Variants in TSPAN8 observed in about 807,000 individuals in gnomAD.
TSPAN8 encodes the protein tetraspanin 8.
A neutral mutation model predicts 32.8 loss-of-function variants in TSPAN8; 21 were observed. That is an observed-to-expected ratio of 0.64 (90% confidence interval 0.45 to 0.92). The LOEUF is 0.92. Among genes scored for constraint, TSPAN8 ranks in the 40% least tolerant of loss-of-function variants. TSPAN8 has a pLI of 0.00. For missense variants in TSPAN8, 269 were observed against 281.9 expected (o/e 0.95, Z 0.33); for synonymous variants, 95 against 94.6 (o/e 1.00, Z -0.03).
intron 2 of TSPAN8, 25 bp from the exon 3 acceptor site, chr12:71,144,238 A>C (rs771242127): frequency 6.2e-7 from 1 of 1,602,458 alleles, no homozygotes; most frequent in Non-Finnish European, 8.5e-7. Context: ...AAACAAACAA[A>C]AAGAATACAA....
chr12:71,146,964 T>G (rs1872096602), intron 2 of TSPAN8, among the ~76,000 whole-genome samples: 1 of 152,146 alleles, frequency 6.6e-6, no homozygotes, highest in African/African-American at 2.4e-5. Context: ...AGGAGATAAA[T>G]CTTTCTTTCT....
At chr12:71,148,532 A>G (rs1222857086) in intron 2 of TSPAN8, among the ~76,000 whole-genome samples, 2 of 152,204 alleles carry the variant, frequency 1.3e-5, no homozygotes, top group Non-Finnish European at 2.9e-5. Flanking sequence ...GGCACTTGCC[A>G]TCTGCATACA....
chr12:71,145,505 C>T (rs1872049614), intron 2 of TSPAN8, among the ~76,000 whole-genome samples: 1 of 152,170 alleles, frequency 6.6e-6, no homozygotes, highest in South Asian at 2.1e-4. Context: ...CACATAGACA[C>T]ACACACACCA....
At chr12:71,154,405 A>C (rs1311640098) in intron 2 of TSPAN8, among the ~76,000 whole-genome samples, 1 of 151,346 alleles carries the variant, frequency 6.6e-6, no homozygotes, top group African/African-American at 2.4e-5. Context: ...GGCATGGTAC[A>C]GACCTCTACA....
intron 6 of TSPAN8, among the ~76,000 whole-genome samples, chr12:71,135,482 A>T (rs1871666274): frequency 7.1e-6 from 1 of 140,768 alleles, no homozygotes; most frequent in Non-Finnish European, 1.5e-5. Context: ...GAAGAAGGGG[A>T]GGCGGAGGAG....
chr12:71,155,060 A>G (rs1293632272), intron 2 of TSPAN8, among the ~76,000 whole-genome samples: 1 of 152,220 alleles, frequency 6.6e-6, no homozygotes, highest in Non-Finnish European at 1.5e-5. Context: ...AACTTAACTC[A>G]TCACTTGCAA....
intron 2 of TSPAN8, among the ~76,000 whole-genome samples, chr12:71,146,297 C>T (rs1370446686): frequency 6.6e-6 from 1 of 152,128 alleles, no homozygotes; most frequent in African/African-American, 2.4e-5. Context: ...TAGAGTATAT[C>T]ATTCTCATTT....
At chr12:71,129,243 TC>T (rs1871439653) in intron 8 of TSPAN8, 87 bp downstream of exon 8, 1 of 1,334,692 alleles carries the variant, frequency 7.5e-7, no homozygotes, top group Non-Finnish European at 1.0e-6. Flanking sequence ...TTTTTTTTTT[TC>T]TGTTTGTTTG....
In TSPAN8 at chr12:71,153,230, A is replaced by T. The variant is rs11178658; in HGVS notation, c.60+4389T>A. Reference sequence around the variant, plus strand: ...AACTATCTGAGAGGAGCATTAAAAAATTGGGGCATTTCATCTATTTTTGAA... The same window carrying T: ...AACTATCTGAGAGGAGCATTAAAAATTTGGGGCATTTCATCTATTTTTGAA... On this transcript the variant is annotated intron_variant, in intron 2 of 8. Coordinates refer to ENST00000247829, the MANE Select transcript of TSPAN8 (RefSeq NM_004616.3). 2.8e-3 allele frequency among the ~76,000 whole-genome samples: 423 copies of T among 152,358 alleles called. 8 individuals are homozygous for T. The East Asian group carries it at 0.05, about 18-fold the overall frequency.
intron 7 of TSPAN8, among the ~76,000 whole-genome samples, chr12:71,130,539 T>A (rs761293071): frequency 6.6e-6 from 1 of 152,210 alleles, no homozygotes; most frequent in Non-Finnish European, 1.5e-5. Flanking sequence ...TGTACTGCCC[T>A]GAAATATATT....
At chr12:71,137,596 T>C (rs1871743258) in intron 6 of TSPAN8, among the ~76,000 whole-genome samples, 1 of 73,852 alleles carries the variant, frequency 1.4e-5, no homozygotes, top group South Asian at 3.2e-4. Context: ...CAAGACTCTG[T>C]CCCCCCCCAA....
rs1871560121 is a variant in TSPAN8 at position 71,132,797 on chromosome 12, C to T, written c.472G>A (p.Ala158Thr). The T allele has an allele frequency of 1.2e-6, 2 of 1,613,916 alleles. No individual in the cohort carries two copies. The highest frequency in any genetic ancestry group is 1.7e-6 in the Non-Finnish European group (2 of 1,179,954). The stretch of plus-strand genomic sequence containing the variant: ...TGAAAATTATTTCCCCAATCAGCAG[C>T]TCCATTGACCAAACCGCAGCATTTA... ...EFKCCGLVNG[A>T]ADWGNNFQHY... Residue 158 changes from alanine (A) to threonine (T), a missense_variant, in exon 7 of 9, where the codon GCT (alanine) becomes ACT (threonine). Coordinates refer to ENST00000247829, the MANE Select transcript of TSPAN8 (RefSeq NM_004616.3).
chr12:71,148,387 T>C (rs1022338712), intron 2 of TSPAN8, among the ~76,000 whole-genome samples: 4 of 152,234 alleles, frequency 2.6e-5, no homozygotes, highest in Non-Finnish European at 5.9e-5. Flanking sequence ...TTTTCGTTCA[T>C]GCATTATTTG....
intron 6 of TSPAN8, among the ~76,000 whole-genome samples, chr12:71,133,573 G>T (rs1871587597): frequency 6.6e-6 from 1 of 152,274 alleles, no homozygotes; most frequent in South Asian, 2.1e-4. Context: ...AAAAATGAGA[G>T]ATATTGCAAA....
chr12:71,139,590 A>T, intron 4 of TSPAN8, 121 bp downstream of exon 4: 2 of 1,334,502 alleles, frequency 1.5e-6, no homozygotes, highest in Admixed American at 2.3e-5. Context: ...CAAACCTTCT[A>T]AAGAGAAGTT....
chr12:71,125,439 C>T, intron 8 of TSPAN8, 52 bp from the exon 9 acceptor site: 2 of 1,429,278 alleles, frequency 1.4e-6, no homozygotes, highest in Non-Finnish European at 1.9e-6. Context: ...AAACACTGGA[C>T]ACATTATAAA....
At chr12:71,147,061 A>C (rs1313900312) in intron 2 of TSPAN8, among the ~76,000 whole-genome samples, 1 of 152,260 alleles carries the variant, frequency 6.6e-6, no homozygotes, top group East Asian at 1.9e-4. Flanking sequence ...GTTGGCTGGC[A>C]CCTTAATCTT....
intron 1 of TSPAN8, 36 bp from the exon 2 acceptor site, chr12:71,157,823 G>T: frequency 3.2e-6 from 2 of 631,346 alleles, no homozygotes; most frequent in South Asian, 2.1e-5. Flanking sequence ...GAAGTAGAGG[G>T]AGGAATAAAA....
At chr12:71,126,859 T>C (rs974740487) in intron 8 of TSPAN8, among the ~76,000 whole-genome samples, 3 of 152,088 alleles carry the variant, frequency 2.0e-5, no homozygotes, top group Admixed American at 6.6e-5. Flanking sequence ...CTGGCTGTTT[T>C]AAGCTAGAGT....
Sources: allele counts gnomAD v4.1 joint callset (sites outside exome capture counted in the v4.1 genomes callset), GRCh38; gene constraint gnomAD v4.1.1; transcripts MANE v1.5; gene names NCBI Gene and HGNC (gene_info 2026-07-23, HGNC 2026-07-21).